RPS6KA2: variants seen among roughly 807,000 people sequenced by gnomAD.
RPS6KA2 encodes ribosomal protein S6 kinase A2.
RPS6KA2 carries 42 observed loss-of-function variants against 91.8 expected under a neutral mutation model. The observed-to-expected ratio is 0.46, with a 90% confidence interval of 0.36 to 0.59. The LOEUF (loss-of-function observed/expected upper bound fraction) is 0.59, where lower values mean the gene tolerates loss of function less well. RPS6KA2 is among the 20% of genes least tolerant of loss of function. The pLI, the probability that RPS6KA2 is intolerant of heterozygous loss-of-function variation, is 0.00. For synonymous variants in RPS6KA2, 414 were observed against 393.6 expected, an observed-to-expected ratio of 1.05 and a Z score of -0.61; for missense variants, 798 against 978.5, an observed-to-expected ratio of 0.82 and a Z score of 2.46.
chr6:166,453,460 A>G (rs777191527), intron 12 of RPS6KA2, among the ~76,000 whole-genome samples: 3 of 152,230 alleles, frequency 2.0e-5, no homozygotes, highest in Non-Finnish European at 2.9e-5. Context: ...GCCAAACAGC[A>G]TATAAAAAAT....
intron 3 of RPS6KA2, among the ~76,000 whole-genome samples, chr6:166,522,294 G>T (rs757915095): frequency 9.9e-5 from 15 of 152,212 alleles, no homozygotes; most frequent in Non-Finnish European, 2.1e-4. Context: ...GATGAGCAAT[G>T]GCTGTGTAAA....
At chr6:166,645,420 C>T (rs571925936) in intron 2 of RPS6KA2, among the ~76,000 whole-genome samples, 6 of 152,250 alleles carry the variant, frequency 3.9e-5, no homozygotes, top group African/African-American at 1.4e-4. Context: ...TCCGTTTAGC[C>T]GCTTTCTATA....
chr6:166,579,773 T>A, intron 1 of RPS6KA2, among the ~76,000 whole-genome samples: 1 of 152,230 alleles, frequency 6.6e-6, no homozygotes, highest in East Asian at 1.9e-4. Flanking sequence ...TACATTTTCC[T>A]TTTTCTAAGA....
intron 12 of RPS6KA2, among the ~76,000 whole-genome samples, chr6:166,458,018 T>C (rs114478639): frequency 0.011 from 1,734 of 152,296 alleles, 39 homozygotes; most frequent in African/African-American, 0.039. Context: ...CAGAAGGAGC[T>C]TGTGGATGGT....
At position 166,831,725 on chromosome 6, in the gene RPS6KA2, G is replaced by A. The variant is rs79383489; in HGVS notation, c.123+26475C>T. ...AACAGGAAATATTTTTAAACAAATTGTATTTTACCACATCTACATACATAC... is the reference window on the plus strand; with the variant it reads ...AACAGGAAATATTTTTAAACAAATTATATTTTACCACATCTACATACATAC... On this transcript the variant is annotated intron_variant, in intron 2 of 21. Transcript: ENST00000503859. 9.3e-3 allele frequency among the ~76,000 whole-genome samples: 1,400 copies of A among 150,712 alleles called. 13 individuals are homozygous for A. Among genetic ancestry groups the A allele is most frequent in the African/African-American group, 0.032 (1,320 of 40,948 alleles).
chr6:166,680,416 G>A (rs1334547312), intron 2 of RPS6KA2, among the ~76,000 whole-genome samples: 5 of 152,170 alleles, frequency 3.3e-5, no homozygotes, highest in African/African-American at 9.7e-5. Context: ...AAAGCAGGCC[G>A]CCCCAGCCAG....
chr6:166,420,809 A>T (rs1453675437), intron 17 of RPS6KA2, among the ~76,000 whole-genome samples: 1 of 152,262 alleles, frequency 6.6e-6, no homozygotes, highest in Non-Finnish European at 1.5e-5. Context: ...GAACTGTTAA[A>T]GCAGCAAAAC....
intron 12 of RPS6KA2, among the ~76,000 whole-genome samples, chr6:166,451,662 C>G (rs1005818349): frequency 1.3e-5 from 2 of 152,196 alleles, no homozygotes; most frequent in African/African-American, 4.8e-5. Flanking sequence ...AGCTTCTGGT[C>G]TCTAGGTTCG....
intron 2 of RPS6KA2, among the ~76,000 whole-genome samples, chr6:166,707,118 A>T (rs1313474455): frequency 1.3e-5 from 2 of 152,268 alleles, no homozygotes; most frequent in African/African-American, 2.4e-5. Context: ...GAAGAGAGTT[A>T]GCAGGCAAAG....
intron 2 of RPS6KA2, among the ~76,000 whole-genome samples, chr6:166,815,759 G>A (rs994300885): frequency 5.9e-5 from 9 of 152,192 alleles, no homozygotes; most frequent in Non-Finnish European, 1.2e-4. Flanking sequence ...AAGAATTGCC[G>A]GTTGAAGATG....
chr6:166,479,326 G>T (rs1781100778), intron 10 of RPS6KA2, among the ~76,000 whole-genome samples: 1 of 152,264 alleles, frequency 6.6e-6, no homozygotes, highest in African/African-American at 2.4e-5. Context: ...AAAGCACCCA[G>T]TGTCTGCCCA....
intron 14 of RPS6KA2, among the ~76,000 whole-genome samples, chr6:166,438,138 A>G (rs547779334): frequency 1.3e-5 from 2 of 152,262 alleles, no homozygotes; most frequent in Non-Finnish European, 2.9e-5. Context: ...CTTCTCCTGT[A>G]AAATTAATTT....
At chr6:166,718,256 A>G (rs948444991) in intron 2 of RPS6KA2, among the ~76,000 whole-genome samples, 1 of 152,206 alleles carries the variant, frequency 6.6e-6, no homozygotes. Flanking sequence ...GGAAGGTCTT[A>G]TCTAGCACAG....
chr6:166,485,362 A>G (rs1258124375), intron 10 of RPS6KA2, among the ~76,000 whole-genome samples: 2 of 152,140 alleles, frequency 1.3e-5, no homozygotes, highest in Non-Finnish European at 2.9e-5. Context: ...ACAGCATTGC[A>G]AACTCGATTC....
At position 166,621,307 on chromosome 6, in the gene RPS6KA2, T is replaced by C. The variant is rs116612412; in HGVS notation, c.99+5614A>G. On this transcript the variant is annotated intron_variant, in intron 1 of 20. Transcript: ENST00000265678. ...CGCACATTTGTCCTCCACGCCCTGA[T>C]ATGCAGGTGCCTCCGGCTTCCTTGT... Among the ~76,000 whole-genome samples, 1,113 of 152,338 alleles carry C rather than the reference T, an allele frequency of 7.3e-3. 10 individuals carry two copies. The highest frequency in any genetic ancestry group is 0.023 in the African/African-American group (961 of 41,576).
At position 166,533,951 on chromosome 6, in the gene RPS6KA2, G is replaced by A. The variant is rs549271613; in HGVS notation, c.217-2638C>T. Reference sequence around the variant, plus strand: ...AAAAATAAAAATTAGGGCTGGGTGCGGTGGCTCACGCCTGTAATCCCAGCA... The same window carrying A: ...AAAAATAAAAATTAGGGCTGGGTGCAGTGGCTCACGCCTGTAATCCCAGCA... On this transcript the variant is annotated intron_variant, in intron 2 of 20. Coordinates refer to ENST00000265678, the MANE Select transcript of RPS6KA2 (RefSeq NM_021135.6). This position sits in a 1 kb window ranked among gnomAD's most constrained non-coding sequence, Gnocchi z 4.0. Among the ~76,000 whole-genome samples, 11 of 152,154 alleles carry A rather than the reference G, an allele frequency of 7.2e-5. No individual in the cohort carries two copies. The highest frequency in any genetic ancestry group is 2.0e-4 in the Admixed American group (3 of 15,294).
chr6:166,616,751 G>T (rs1439104881), intron 1 of RPS6KA2, among the ~76,000 whole-genome samples: 1 of 152,206 alleles, frequency 6.6e-6, no homozygotes, highest in Non-Finnish European at 1.5e-5. Flanking sequence ...GCCACATGTG[G>T]GTGTGGCAGG....
At chr6:166,664,458 A>T (rs1788259694) in intron 2 of RPS6KA2, among the ~76,000 whole-genome samples, 1 of 152,242 alleles carries the variant, frequency 6.6e-6, no homozygotes, top group Admixed American at 6.5e-5. Flanking sequence ...TGTGAGCTTC[A>T]GAAGATATTT....
intron 1 of RPS6KA2, among the ~76,000 whole-genome samples, chr6:166,548,970 C>A (rs1052197430): frequency 6.6e-6 from 1 of 152,178 alleles, no homozygotes; most frequent in African/African-American, 2.4e-5. Flanking sequence ...ATAAGGAATT[C>A]TCCAAAGTCA....
Sources: gnomAD v4.1 joint callset for allele counts (sites outside exome capture counted in the v4.1 genomes callset) on GRCh38, gnomAD v4.1.1 for gene constraint, Gnocchi (gnomAD v3.1) non-coding constraint, MANE v1.5 for transcripts, NCBI Gene and HGNC (gene_info 2026-07-23, HGNC 2026-07-21) for gene names.